The following MORC2 variants were observed in gnomAD, a reference collection of about 807,000 sequenced individuals.
MORC2 encodes MORC family CW-type zinc finger 2.
MORC2 carries 30 observed loss-of-function variants against 136.0 expected under a neutral mutation model. The ratio of observed to expected loss-of-function variants is 0.22; its 90% CI spans 0.17 to 0.30. MORC2 has a LOEUF of 0.30. Ranked by LOEUF, MORC2 falls within the 10% of genes least tolerant of loss-of-function variation. MORC2 has a pLI of 1.00. For missense variants in MORC2, 922 were observed against 1,333.1 expected (o/e 0.69, Z 4.80); for synonymous variants, 439 against 487.0 (o/e 0.90, Z 1.30).
intron 5 of MORC2, among the ~76,000 whole-genome samples, chr22:30,946,778 C>T (rs776553233): frequency 6.6e-6 from 1 of 152,172 alleles, no homozygotes; most frequent in African/African-American, 2.4e-5. Context: ...CCCCCCACAA[C>T]GCTGAAGAGT....
intron 1 of MORC2, among the ~76,000 whole-genome samples, chr22:30,962,912 A>G (rs2041070637): frequency 1.3e-5 from 2 of 152,184 alleles, no homozygotes; most frequent in Admixed American, 1.3e-4. Context: ...TTTTTTACCA[A>G]ATAATATTCC....
chr22:30,934,002 G>C lies in MORC2; in HGVS notation c.2325+58C>G, dbSNP rs1226945218. 6.9e-6 allele frequency: 11 copies of C among 1,605,400 alleles called. No individual in the cohort carries two copies. Among genetic ancestry groups the C allele is most frequent in the Non-Finnish European group, 8.5e-6 (10 of 1,174,962 alleles). On this transcript the variant is annotated intron_variant, in intron 20 of 25. Transcript: ENST00000397641. The surrounding 1 kb of genome is among the most constrained non-coding windows in gnomAD (Gnocchi z 4.4). ...CTGCTGATGGGGGGTGCAGACTGCT[G>C]GTGGGGGCTGCAGGCCCTAGAGAGA...
At chr22:30,940,654 T>A (rs138868564) in intron 10 of MORC2, 104 bp downstream of exon 10, 5 of 958,514 alleles carry the variant, frequency 5.2e-6, no homozygotes, top group Non-Finnish European at 8.5e-6. Flanking sequence ...ACCAGCCTTG[T>A]CCCTGAGTTG....
rs1419484697 is a variant in MORC2 at position 30,934,395 on chromosome 22, CT to C, written c.2194-205del. 6.6e-6 allele frequency among the ~76,000 whole-genome samples: 1 copy of C among 152,186 alleles called. No homozygotes were observed. Among genetic ancestry groups the C allele is most frequent in the Non-Finnish European group, 1.5e-5 (1 of 68,030 alleles). On this transcript the variant is annotated intron_variant, in intron 19 of 25. Coordinates refer to ENST00000397641, the MANE Select transcript of MORC2 (RefSeq NM_001303256.3). The surrounding 1 kb of genome is among the most constrained non-coding windows in gnomAD (Gnocchi z 4.4). Reference sequence around the variant, plus strand: ...CTCAAAGCTATCATAGGAGAAGCTTCTCAATTCCCTTCCCACCTTAGTCTAC... The same window carrying C: ...CTCAAAGCTATCATAGGAGAAGCTTCCAATTCCCTTCCCACCTTAGTCTAC...
intron 3 of MORC2, among the ~76,000 whole-genome samples, chr22:30,952,858 G>C (rs2040911190): frequency 6.6e-6 from 1 of 152,244 alleles, no homozygotes; most frequent in Non-Finnish European, 1.5e-5. Context: ...CAGCAGATAA[G>C]CTAGGAAGTA....
At chr22:30,935,533 A>G (rs1472840174) in intron 17 of MORC2, among the ~76,000 whole-genome samples, 1 of 152,238 alleles carries the variant, frequency 6.6e-6, no homozygotes, top group African/African-American at 2.4e-5. Context: ...TTAATCCAGC[A>G]ACTGAGAGAC....
chr22:30,965,387 C>T (rs749619712), intron 1 of MORC2, among the ~76,000 whole-genome samples: 1 of 152,154 alleles, frequency 6.6e-6, no homozygotes, highest in Non-Finnish European at 1.5e-5. Flanking sequence ...CAAGTCACAT[C>T]ATGTGAGAAT....
intron 3 of MORC2, among the ~76,000 whole-genome samples, chr22:30,953,550 G>C (rs1001656025): frequency 2.0e-5 from 3 of 152,216 alleles, no homozygotes; most frequent in Non-Finnish European, 4.4e-5. Context: ...GGTGTCCCCA[G>C]GAGAGGCTGC....
rs146132479 is a variant in MORC2 at position 30,932,688 on chromosome 22, G to A, written c.2604C>T (p.Gly868=). Residue 868 remains glycine (G), a synonymous_variant, in exon 23 of 26, where the codon GGC becomes GGT. Coordinates refer to ENST00000397641, the MANE Select transcript of MORC2 (RefSeq NM_001303256.3). The surrounding 1 kb of genome is among the most constrained non-coding windows in gnomAD (Gnocchi z 4.4). ...EHQSLDTQQE[G]GEEEVGPVAQ... ...CCACAGGGCCCACCTCCTCCTCCCC[G>A]CCCTCCTGTTGTGTATCAAGGCTCT... is the stretch of plus-strand genomic sequence containing the variant. 2.4e-5 allele frequency: 39 copies of A among 1,614,010 alleles called. No individual in the cohort carries two copies. Among genetic ancestry groups the A allele is most frequent in the South Asian group, 6.6e-5 (6 of 91,088 alleles).
intron 1 of MORC2, among the ~76,000 whole-genome samples, chr22:30,960,307 T>C (rs1171239595): frequency 6.6e-6 from 1 of 152,122 alleles, no homozygotes; most frequent in Middle Eastern, 3.2e-3. Flanking sequence ...CTTGGTGGAA[T>C]TATAGGAAGA....
At position 30,929,544 on chromosome 22, in the gene MORC2, C is replaced by T. The variant is rs188767843; in HGVS notation, c.2842-1337G>A. 4.8e-3 allele frequency among the ~76,000 whole-genome samples: 734 copies of T among 152,084 alleles called. 1 individual carries two copies. The highest frequency in any genetic ancestry group is 0.017 in the Middle Eastern group (5 of 292). ...CAGGTGGATCACGAGGTCAGGAGATCGAGACCATCCTGGCTAACACGGTGA... is the reference window on the plus strand; with the variant it reads ...CAGGTGGATCACGAGGTCAGGAGATTGAGACCATCCTGGCTAACACGGTGA... On this transcript the variant is annotated intron_variant, in intron 24 of 25. Coordinates refer to ENST00000397641, the MANE Select transcript of MORC2 (RefSeq NM_001303256.3).
At chr22:30,963,827 T>C (rs1019919179) in intron 1 of MORC2, among the ~76,000 whole-genome samples, 1 of 152,138 alleles carries the variant, frequency 6.6e-6, no homozygotes, top group Non-Finnish European at 1.5e-5. Context: ...TGTAAACCAA[T>C]AGATCATCCA....
rs758687404 is a variant in MORC2, at chr22:30,942,006, A to G, written c.587-4T>C. The G allele has an allele frequency of 3.1e-6, 5 of 1,612,282 alleles. No homozygotes were observed. The highest frequency in any genetic ancestry group is 4.2e-6 in the Non-Finnish European group (5 of 1,178,448). On this transcript the variant is annotated splice_polypyrimidine_tract_variant and splice_region_variant and intron_variant, in intron 7 of 25. Coordinates refer to ENST00000397641, the MANE Select transcript of MORC2 (RefSeq NM_001303256.3). ...TTGAAGATGATCACCAATGTTCCTGAGAAACAGAAATCTTTTGTCCTGCCA... is the reference window on the plus strand; with the variant it reads ...TTGAAGATGATCACCAATGTTCCTGGGAAACAGAAATCTTTTGTCCTGCCA...
At position 30,941,949 on chromosome 22, in the gene MORC2, G is replaced by A. The variant is rs761237955; in HGVS notation, c.640C>T (p.Leu214=). The change falls in exon 8 of 26, where the codon CTA becomes TTA. Residue 214 remains leucine, a synonymous_variant. Transcript: ENST00000397641. This position sits in a 1 kb window ranked among gnomAD's most constrained non-coding sequence, Gnocchi z 4.6. ...LKLMDNGEPE[L]DIISNPRDIQ... ...TCTCTTGGATTTGAGATTATGTCTA[G>A]TTCTGGCTCTCCATTATCCATGAGT... 1.2e-6 allele frequency: 2 copies of A among 1,613,970 alleles called. No homozygotes were observed. Among genetic ancestry groups the A allele is most frequent in the South Asian group, 2.2e-5 (2 of 91,068 alleles).
intron 1 of MORC2, among the ~76,000 whole-genome samples, chr22:30,962,381 G>C (rs775512812): frequency 6.6e-6 from 1 of 151,648 alleles, no homozygotes; most frequent in African/African-American, 2.4e-5. Flanking sequence ...TGGGCAACAC[G>C]GCAAAACCCC....
intron 24 of MORC2, among the ~76,000 whole-genome samples, chr22:30,930,937 T>C (rs1376836347): frequency 2.0e-5 from 3 of 152,168 alleles, no homozygotes; most frequent in Non-Finnish European, 4.4e-5. Flanking sequence ...GTCACCTTCA[T>C]TGCACTCACC....
rs1407845239 is a variant in MORC2, at chr22:30,967,571, T to C, written c.68+251A>G. 5.3e-6 allele frequency: 7 copies of C among 1,311,804 alleles called. No individual in the cohort carries two copies. In the African/African-American group the frequency reaches 1.0e-4, roughly 20 times the overall value. The allele number at this position is 1,311,804 out of a possible 1,614,324, so 81.3% of individuals were successfully genotyped here. On this transcript the variant is annotated intron_variant, in intron 1 of 25. Coordinates refer to ENST00000397641, the MANE Select transcript of MORC2 (RefSeq NM_001303256.3). Reference sequence around the variant, plus strand: ...GAATGAAACAACTCAACATATTGACTTCAAATAACTAAAGTTTGCATTTAG... The same window carrying C: ...GAATGAAACAACTCAACATATTGACCTCAAATAACTAAAGTTTGCATTTAG...
intron 3 of MORC2, among the ~76,000 whole-genome samples, chr22:30,950,931 G>T (rs942180192): frequency 6.6e-6 from 1 of 152,194 alleles, no homozygotes; most frequent in Non-Finnish European, 1.5e-5. Context: ...ACCAGACATG[G>T]TATGGGCACA....
Position 30,951,354 on chromosome 22 carries a change from G to C in MORC2, c.158-909C>G, listed in dbSNP as rs146785235. Among the ~76,000 whole-genome samples the C allele has an allele frequency of 4.4e-3, 667 of 152,334 alleles. 1 individual carries two copies. Among genetic ancestry groups the C allele is most frequent in the Non-Finnish European group, 7.7e-3 (527 of 68,036 alleles). ...AATGGAGAAGCGATTCCCAAATATG[G>C]AAACAGGCTATACTAGCTTCCAAGG... On this transcript the variant is annotated intron_variant, in intron 3 of 25. Coordinates refer to ENST00000397641, the MANE Select transcript of MORC2 (RefSeq NM_001303256.3).
Sources: gnomAD v4.1 joint callset for allele counts (sites outside exome capture counted in the v4.1 genomes callset) on GRCh38, gnomAD v4.1.1 for gene constraint, Gnocchi (gnomAD v3.1) non-coding constraint, MANE v1.5 for transcripts, NCBI Gene and HGNC (gene_info 2026-07-23, HGNC 2026-07-21) for gene names.